The following TLK2 variants were observed in gnomAD, a reference collection of about 807,000 sequenced individuals.
TLK2 encodes the protein tousled like kinase 2.
In TLK2, 6 loss-of-function variants were observed where a neutral mutation model predicts 117.3. The observed-to-expected ratio is 0.05, with a 90% CI of 0.03 to 0.10. The LOEUF is 0.10. Among genes scored for constraint, TLK2 ranks in the 10% least tolerant of loss-of-function variants. The probability of loss-of-function intolerance (pLI) is 1.00; values close to 1 mark genes in which losing one functional copy is unlikely to be tolerated. For missense variants in TLK2, 299 were observed against 901.2 expected (o/e 0.33, Z 8.56); for synonymous variants, 257 against 316.7 (o/e 0.81, Z 2.00).
chr17:62,562,842 G>C (rs1395130526), intron 10 of TLK2, among the ~76,000 whole-genome samples: 2 of 152,144 alleles, frequency 1.3e-5, no homozygotes, highest in Non-Finnish European at 1.5e-5. Context: ...AATGTTGGCC[G>C]GGCATGGTGA....
intron 2 of TLK2, among the ~76,000 whole-genome samples, chr17:62,507,684 C>T (rs946313309): frequency 6.6e-6 from 1 of 152,162 alleles, no homozygotes; most frequent in African/African-American, 2.4e-5. Flanking sequence ...TAAACTTTTA[C>T]AGGAGTGAAA....
chr17:62,509,107 G>A (rs1377676103), intron 2 of TLK2, among the ~76,000 whole-genome samples: 2 of 151,614 alleles, frequency 1.3e-5, no homozygotes, highest in Admixed American at 6.6e-5. Context: ...TTTATTTTTC[G>A]AGACAGGGTC....
At position 62,531,142 on chromosome 17, in the gene TLK2, A is replaced by C. The variant is rs1486076456; in HGVS notation, c.364-5028A>C. Among the ~76,000 whole-genome samples, 3 of 152,260 alleles carry C rather than the reference A, an allele frequency of 2.0e-5. No individual in the cohort carries two copies. The East Asian group carries it at 5.8e-4, about 29-fold the overall frequency. The stretch of plus-strand genomic sequence containing the variant: ...GGGTTGGTATCTTTCATCCGTTCTG[A>C]ATAATTAGCCATTGTCTCTTTGAAT... On this transcript the variant is annotated intron_variant, in intron 6 of 21. Coordinates refer to ENST00000346027, the MANE Select transcript of TLK2 (RefSeq NM_006852.6).
chr17:62,572,349 G>A (rs556098283), intron 11 of TLK2, among the ~76,000 whole-genome samples: 1 of 151,912 alleles, frequency 6.6e-6, no homozygotes, highest in South Asian at 2.1e-4. Flanking sequence ...CTCCAATTTT[G>A]TATGTTTTTA....
chr17:62,551,121 A>G (rs1237859289), intron 7 of TLK2, among the ~76,000 whole-genome samples: 1 of 152,210 alleles, frequency 6.6e-6, no homozygotes, highest in Non-Finnish European at 1.5e-5. Flanking sequence ...CAGTCTCCTT[A>G]TAGGATTTTG....
chr17:62,600,634 G>A lies in TLK2; in HGVS notation c.1551-17G>A. The A allele has an allele frequency of 6.3e-7, 1 of 1,581,508 alleles. No homozygotes were observed. Among genetic ancestry groups the A allele is most frequent in the Non-Finnish European group, 8.6e-7 (1 of 1,167,146 alleles). On this transcript the variant is annotated splice_polypyrimidine_tract_variant and intron_variant, in intron 17 of 21. Transcript: ENST00000346027. ...TGCTCTTATTCCATGGTTAAATATT[G>A]GTTTATTTGTCTTTAGGTTTTGTAC...
chr17:62,564,945 T>G (rs890613078), intron 10 of TLK2, 56 bp from the exon 11 acceptor site: 1 of 1,550,374 alleles, frequency 6.5e-7, no homozygotes, highest in African/African-American at 1.4e-5. Flanking sequence ...TTCTAAGAAG[T>G]GTCTTTATCC....
chr17:62,504,736 A>T (rs1418509335), intron 2 of TLK2, among the ~76,000 whole-genome samples: 1 of 152,100 alleles, frequency 6.6e-6, no homozygotes, highest in Admixed American at 6.6e-5. Context: ...TGAGCCTGGG[A>T]GGTTGAGGCT....
At chr17:62,611,099 G>A (rs940303895) in intron 21 of TLK2, among the ~76,000 whole-genome samples, 1 of 152,080 alleles carries the variant, frequency 6.6e-6, no homozygotes, top group Non-Finnish European at 1.5e-5. Context: ...GATCATGCCC[G>A]TGCACTCCAG....
intron 7 of TLK2, among the ~76,000 whole-genome samples, chr17:62,540,099 CTTT>C (rs571889873): frequency 1.6e-5 from 2 of 125,108 alleles, no homozygotes; most frequent in Admixed American, 8.2e-5. Flanking sequence ...TCTTTCTTTT[CTTT>C]TTTTTTTTTT....
intron 17 of TLK2, chr17:62,600,438 C>T (rs1454609202): frequency 4.3e-6 from 2 of 462,890 alleles, no homozygotes; most frequent in Non-Finnish European, 7.6e-6. Context: ...CAGATTCCAA[C>T]ATTGAGGGTG....
intron 7 of TLK2, among the ~76,000 whole-genome samples, chr17:62,544,904 C>T (rs565035017): frequency 6.6e-6 from 1 of 152,236 alleles, no homozygotes; most frequent in East Asian, 1.9e-4. Flanking sequence ...ATATATAGTC[C>T]TATATTTCTT....
chr17:62,566,994 G>A (rs1019350660), intron 11 of TLK2, among the ~76,000 whole-genome samples: 1 of 152,166 alleles, frequency 6.6e-6, no homozygotes, highest in Non-Finnish European at 1.5e-5. Flanking sequence ...TTGGGAGGCC[G>A]AAGCGGGTGG....
chr17:62,474,381 TA>T (rs1363909814), upstream of TLK2, among the ~76,000 whole-genome samples: 1 of 143,328 alleles, frequency 7.0e-6, no homozygotes, highest in African/African-American at 2.6e-5. Context: ...CCCGGCCCTG[TA>T]TTTTTTTTTA....
At chr17:62,605,200 G>A (rs1023773285) in intron 19 of TLK2, among the ~76,000 whole-genome samples, 17 of 152,076 alleles carry the variant, frequency 1.1e-4, no homozygotes, top group South Asian at 4.1e-4. Context: ...GGTGGCACAC[G>A]CCTGTAATCC....
chr17:62,562,770 T>C (rs969785553), intron 10 of TLK2, among the ~76,000 whole-genome samples: 26 of 152,222 alleles, frequency 1.7e-4, no homozygotes, highest in Admixed American at 1.7e-3. Context: ...GAGATAAATA[T>C]GTACTAAATC....
chr17:62,471,619 G>T (rs2070940457), intron 1 of TLK2, among the ~76,000 whole-genome samples: 1 of 152,246 alleles, frequency 6.6e-6, no homozygotes, highest in Admixed American at 6.6e-5. Context: ...GGCAGGCTGG[G>T]CTAACGAGCT....
intron 10 of TLK2, among the ~76,000 whole-genome samples, chr17:62,564,530 C>T (rs188404539): frequency 5.2e-4 from 48 of 92,306 alleles, no homozygotes; most frequent in Admixed American, 3.5e-3. Context: ...AGTGAGACTT[C>T]GTCTCAAAAA....
intron 2 of TLK2, among the ~76,000 whole-genome samples, chr17:62,501,020 C>T (rs552789175): frequency 4.6e-5 from 7 of 152,220 alleles, no homozygotes; most frequent in African/African-American, 9.6e-5. Context: ...GGGCGGATCA[C>T]GAGGTCAGGA....
Sources: gnomAD v4.1 joint callset for allele counts (sites outside exome capture counted in the v4.1 genomes callset) on GRCh38, gnomAD v4.1.1 for gene constraint, MANE v1.5 for transcripts, NCBI Gene and HGNC (gene_info 2026-07-23, HGNC 2026-07-21) for gene names.